SLC45A4: variants seen among roughly 807,000 people sequenced by gnomAD.
The protein encoded by SLC45A4 is polyamine-transporter SLC45A4.
A neutral mutation model predicts 63.7 loss-of-function variants in SLC45A4; 32 were observed. The observed-to-expected ratio is 0.50, with a 90% CI of 0.38 to 0.67. The LOEUF (loss-of-function observed/expected upper bound fraction) is 0.67, where lower values mean the gene tolerates loss of function less well. SLC45A4 is among the 30% of genes least tolerant of loss of function. The pLI, the probability that SLC45A4 is intolerant of heterozygous loss-of-function variation, is 0.00. For synonymous variants in SLC45A4, 535 were observed against 510.0 expected, an observed-to-expected ratio of 1.05 and a Z score of -0.66; for missense variants, 1,027 against 1,157.7, an observed-to-expected ratio of 0.89 and a Z score of 1.64.
rs893837700 is a variant in SLC45A4, at chr8:141,293,954, T to TA, written c.-401+14141dup. ...TCTCAAGAAAAAAAAAAAGTAAATGTAAAAAAAAAAAATCATCCGCGGTAA... is the reference window on the plus strand; with the variant it reads ...TCTCAAGAAAAAAAAAAAGTAAATGTAAAAAAAAAAAAATCATCCGCGGTAA... On this transcript the variant is annotated intron_variant, in intron 1 of 8. Coordinates refer to ENST00000517878, the MANE Select transcript of SLC45A4 (RefSeq NM_001286646.2). Among the ~76,000 whole-genome samples, 511 of 136,580 alleles carry TA rather than the reference T, an allele frequency of 3.7e-3. 2 individuals are homozygous for TA. Among genetic ancestry groups the TA allele is most frequent in the African/African-American group, 0.01 (373 of 37,010 alleles). The allele number at this position is 136,580 out of a possible 152,430, so 89.6% of individuals were successfully genotyped here.
chr8:141,218,593 C>T lies in SLC45A4; in HGVS notation c.1047G>A (p.Gln349=). The part of the protein sequence containing the change: ...SYPATPRSTS[Q]ELAKTKLPRL... ...GGGGCAGCTTGGTCTTGGCGAGCTC[C>T]TGGCTGGTGCTGCGGGGGGTGGCGG... Residue 349 remains glutamine (Q), a synonymous_variant, in exon 5 of 9, where the codon CAG becomes CAA. Coordinates refer to ENST00000517878, the MANE Select transcript of SLC45A4 (RefSeq NM_001286646.2). 3 of 1,613,494 alleles carry T rather than the reference C, an allele frequency of 1.9e-6. No homozygotes were observed. Among genetic ancestry groups the T allele is most frequent in the Non-Finnish European group, 2.5e-6 (3 of 1,179,902 alleles).
At position 141,211,602 on chromosome 8, in the gene SLC45A4, T is replaced by G; in HGVS notation, c.2397A>C (p.Lys799Asn). 1 of 1,612,624 alleles carries G rather than the reference T, an allele frequency of 6.2e-7. No homozygotes were observed. The highest frequency in any genetic ancestry group is 8.5e-7 in the Non-Finnish European group (1 of 1,179,816). Residue 799 changes from lysine to asparagine, a missense_variant, in exon 9 of 9, where the codon AAA becomes AAC. Coordinates refer to ENST00000517878, the MANE Select transcript of SLC45A4 (RefSeq NM_001286646.2). ...AGAACCACATTGTGGAAAAGAAAAT[T>G]TTTTTTCTAAAATAATCATAAAGAA... The part of the protein sequence containing the change: ...SIFLYDYFRK[K>N]IFFSTMWFS
intron 1 of SLC45A4, among the ~76,000 whole-genome samples, chr8:141,287,458 T>TC (rs924976481): frequency 5.1e-4 from 77 of 152,226 alleles, no homozygotes; most frequent in Admixed American, 1.1e-3. Context: ...ACCGGCCTTC[T>TC]CCCCAAAGTC....
At position 141,221,837 on chromosome 8, in the gene SLC45A4, C is replaced by T. The variant is rs527432783; in HGVS notation, c.242-72G>A. The T allele has an allele frequency of 2.5e-5, 38 of 1,533,686 alleles. 1 individual carries two copies. In the Admixed American group the frequency reaches 4.5e-4, roughly 18 times the overall value. The stretch of plus-strand genomic sequence containing the variant: ...TCTGCCACAGTTTTCCTGGGAGCCC[C>T]GCGACAGGCAGGTGCCTCTGTGTAC... On this transcript the variant is annotated intron_variant, in intron 2 of 8. Coordinates refer to ENST00000517878, the MANE Select transcript of SLC45A4 (RefSeq NM_001286646.2).
At chr8:141,292,036 G>A (rs572990494) in intron 1 of SLC45A4, among the ~76,000 whole-genome samples, 12 of 152,338 alleles carry the variant, frequency 7.9e-5, no homozygotes, top group Admixed American at 3.9e-4. Context: ...CTGCTCCTGC[G>A]TGCCTGGTGC....
chr8:141,214,471 T>C (rs1335845016), intron 7 of SLC45A4, among the ~76,000 whole-genome samples: 1 of 152,120 alleles, frequency 6.6e-6, no homozygotes, highest in African/African-American at 2.4e-5. Context: ...GCACTGAGGA[T>C]TAATAATAGA....
intron 1 of SLC45A4, among the ~76,000 whole-genome samples, chr8:141,289,226 CGAG>C (rs1190755361): frequency 6.6e-6 from 1 of 151,246 alleles, no homozygotes; most frequent in African/African-American, 2.5e-5. Flanking sequence ...ACTGCACTTT[CGAG>C]AAGGAGTGAG....
In SLC45A4 at chr8:141,288,421, C is replaced by T. The variant is rs143280751; in HGVS notation, c.-401+19675G>A. Among the ~76,000 whole-genome samples the T allele has an allele frequency of 5.5e-3, 845 of 152,336 alleles. 3 individuals are homozygous for T. Among genetic ancestry groups the T allele is most frequent in the African/African-American group, 0.011 (464 of 41,566 alleles). Reference sequence around the variant, plus strand: ...CATCGGTACGCCACATTTTCACATACGACAGAGTGACCCACCACGGGACAA... The same window carrying T: ...CATCGGTACGCCACATTTTCACATATGACAGAGTGACCCACCACGGGACAA... On this transcript the variant is annotated intron_variant, in intron 1 of 8. Coordinates refer to ENST00000517878, the MANE Select transcript of SLC45A4 (RefSeq NM_001286646.2).
chr8:141,240,483 C>T (rs927641617), intron 2 of SLC45A4, among the ~76,000 whole-genome samples: 1 of 152,234 alleles, frequency 6.6e-6, no homozygotes, highest in African/African-American at 2.4e-5. Flanking sequence ...TCCAACGGAG[C>T]TGAGCGTGAC....
intron 1 of SLC45A4, among the ~76,000 whole-genome samples, chr8:141,276,022 C>G (rs1280149995): frequency 2.0e-5 from 3 of 151,820 alleles, no homozygotes; most frequent in East Asian, 1.9e-4. Context: ...AGGCAATCCT[C>G]CCACCTCAGT....
At chr8:141,270,840 G>A (rs1481269509) in intron 1 of SLC45A4, among the ~76,000 whole-genome samples, 1 of 152,030 alleles carries the variant, frequency 6.6e-6, no homozygotes, top group South Asian at 2.1e-4. Context: ...GGGTCCCCAC[G>A]GCACCACCAG....
At chr8:141,241,305 C>A (rs893185027) in intron 2 of SLC45A4, among the ~76,000 whole-genome samples, 6 of 152,218 alleles carry the variant, frequency 3.9e-5, no homozygotes, top group African/African-American at 9.6e-5. Context: ...GAGGCTTTAT[C>A]TGCACTGTTG....
chr8:141,217,707 G>A (rs112056787), intron 5 of SLC45A4, among the ~76,000 whole-genome samples: 3 of 152,332 alleles, frequency 2.0e-5, no homozygotes, highest in African/African-American at 4.8e-5. Context: ...CTTAGCTGCC[G>A]TTTTGGGGTA....
At chr8:141,234,548 A>G (rs1827525540) in intron 2 of SLC45A4, among the ~76,000 whole-genome samples, 1 of 152,134 alleles carries the variant, frequency 6.6e-6, no homozygotes, top group Admixed American at 6.5e-5. Context: ...GGCTTCCCCA[A>G]CAGGACTCCG....
Position 141,215,482 on chromosome 8 carries a change from G to GT in SLC45A4, c.1941+276_1941+277insA, listed in dbSNP as rs1826082947. Among the ~76,000 whole-genome samples, 1 of 152,128 alleles carries GT rather than the reference G, an allele frequency of 6.6e-6. No individual in the cohort carries two copies. ...CAGGGAAATGTGACTGGGCCTGAGG[G>GT]GACCAAAGGGGCAGGGACAGTGCTT... On this transcript the variant is annotated intron_variant, in intron 7 of 8. Transcript: ENST00000517878. This position sits in a 1 kb window ranked among gnomAD's most constrained non-coding sequence, Gnocchi z 4.3.
chr8:141,221,346 C>T (rs1826615725), intron 3 of SLC45A4, among the ~76,000 whole-genome samples: 1 of 152,264 alleles, frequency 6.6e-6, no homozygotes, highest in Non-Finnish European at 1.5e-5. Context: ...AAAAACAAAC[C>T]ATCACAACAG....
At chr8:141,252,964 T>A (rs1209177727) in intron 2 of SLC45A4, among the ~76,000 whole-genome samples, 1 of 59,102 alleles carries the variant, frequency 1.7e-5, no homozygotes, top group Non-Finnish European at 3.2e-5. Context: ...CGCCCACCTG[T>A]GCGTGTCCGC....
chr8:141,299,582 G>A (rs897522898), intron 1 of SLC45A4, among the ~76,000 whole-genome samples: 1 of 152,234 alleles, frequency 6.6e-6, no homozygotes, highest in Non-Finnish European at 1.5e-5. Flanking sequence ...GCAGAGGGTG[G>A]TGGTGCGCAG....
chr8:141,262,803 T>C (rs1376004997), intron 1 of SLC45A4, among the ~76,000 whole-genome samples: 1 of 150,176 alleles, frequency 6.7e-6, no homozygotes, highest in East Asian at 2.0e-4. Context: ...GAAGTCAGTG[T>C]GGCGATTCCT....
Sources: gnomAD v4.1 joint callset for allele counts (sites outside exome capture counted in the v4.1 genomes callset) on GRCh38, gnomAD v4.1.1 for gene constraint, Gnocchi (gnomAD v3.1) non-coding constraint, MANE v1.5 for transcripts, NCBI Gene and HGNC (gene_info 2026-07-23, HGNC 2026-07-21) for gene names.